PFKFB3: variants seen among roughly 807,000 people sequenced by gnomAD.
PFKFB3 encodes the protein 6-phosphofructo-2-kinase/fructose-2,6-biphosphatase 3, also known as 6-phosphofructo-2-kinase/fructose-2,6-bisphosphatase 3.
In PFKFB3, 33 loss-of-function variants were observed where a neutral mutation model predicts 68.0. The ratio of observed to expected loss-of-function variants is 0.49; its 90% confidence interval spans 0.37 to 0.65. The LOEUF (loss-of-function observed/expected upper bound fraction) is 0.65. Ranked by LOEUF, PFKFB3 falls within the 30% of genes least tolerant of loss-of-function variation. PFKFB3 has a pLI of 0.00. For synonymous variants in PFKFB3, 315 were observed against 288.2 expected (o/e 1.09, Z -0.94); for missense variants, 586 against 712.2 (o/e 0.82, Z 2.02).
rs76280920 is a variant in PFKFB3 at position 6,181,758 on chromosome 10, A to G, written c.17-31865A>G. Among the ~76,000 whole-genome samples, 204 of 148,644 alleles carry G rather than the reference A, an allele frequency of 1.4e-3. 4 individuals carry two copies. The East Asian group carries it at 0.032, about 23-fold the overall frequency. On this transcript the variant is annotated intron_variant, in intron 1 of 14. Coordinates refer to the PFKFB3 transcript ENST00000379789. ...GGCTGCAGTGAGCCAAGATTGTGCC[A>G]CTGCACTCCAGCCTGGGCGATAGAG...
chr10:6,203,253 C>A lies in PFKFB3; in HGVS notation c.-8C>A. 6.2e-7 allele frequency: 1 copy of A among 1,607,564 alleles called. No individual in the cohort carries two copies. Among genetic ancestry groups the A allele is most frequent in the South Asian group, 1.1e-5 (1 of 90,136 alleles). On this transcript the variant is annotated 5_prime_UTR_variant, in exon 1 of 15. Transcript: ENST00000379775. ...CCGGGAGGCGGGCCGTCGGGCGCAG[C>A]CGCGAAGATGCCGTTGGAACTGACG...
At chr10:6,301,334 G>A in the PFKFB3 span, among the ~76,000 whole-genome samples, 1 of 152,122 alleles carries the variant, frequency 6.6e-6, no homozygotes, top group African/African-American at 2.4e-5. Flanking sequence ...TACAGTCCCT[G>A]GGTGCTTCAG....
intron 6 of PFKFB3, 126 bp from the exon 7 acceptor site, chr10:6,219,443 G>A (rs932233349): frequency 4.6e-5 from 46 of 996,266 alleles, no homozygotes; most frequent in Non-Finnish European, 6.2e-5. Flanking sequence ...TCTCTTACAC[G>A]CTGGGCCGGA....
intron 1 of PFKFB3, among the ~76,000 whole-genome samples, chr10:6,166,818 CTT>C (rs1842153569): frequency 7.7e-6 from 1 of 129,722 alleles, no homozygotes; most frequent in Non-Finnish European, 1.7e-5. Context: ...AGCCCTTCTT[CTT>C]CTTTTTTTTT....
At chr10:6,153,176 AAAAG>A (rs57247558) in intron 1 of PFKFB3, among the ~76,000 whole-genome samples, 9,331 of 107,814 alleles carry the variant, frequency 0.087, 351 homozygotes, top group East Asian at 0.2. Flanking sequence ...TGTCTCAGAA[AAAAG>A]AAAGAAAGAA....
At chr10:6,157,181 G>A (rs992893458) in intron 1 of PFKFB3, among the ~76,000 whole-genome samples, 3 of 151,912 alleles carry the variant, frequency 2.0e-5, no homozygotes, top group African/African-American at 7.3e-5. Flanking sequence ...TCATCAACTT[G>A]CTGCCTCATA....
chr10:6,158,081 C>T (rs929083772), intron 1 of PFKFB3, among the ~76,000 whole-genome samples: 4 of 151,022 alleles, frequency 2.6e-5, no homozygotes, highest in African/African-American at 9.8e-5. Context: ...GTCAGGAGAT[C>T]GAGACCATCC....
At position 6,241,151 on chromosome 10, in the gene PFKFB3, C is replaced by T. The variant is rs919375867; in HGVS notation, c.1516-13027C>T. 2.6e-5 allele frequency among the ~76,000 whole-genome samples: 4 copies of T among 152,098 alleles called. 1 individual carries two copies. Among genetic ancestry groups the T allele is most frequent in the Admixed American group, 2.6e-4 (4 of 15,268 alleles). On this transcript the variant is annotated intron_variant, in intron 14 of 14. Transcript: ENST00000640683. ...CGAACTCCTGACCTCGTGATCCACC[C>T]ACCTTGGCCTCCCAAAGTGCTGGGA...
At chr10:6,225,938 T>C (rs1845318526) in intron 13 of PFKFB3, among the ~76,000 whole-genome samples, 1 of 152,082 alleles carries the variant, frequency 6.6e-6, no homozygotes, top group African/African-American at 2.4e-5. Flanking sequence ...GCAAGCACCG[T>C]GTTTGTCTGT....
In PFKFB3 at chr10:6,203,055, T is replaced by C; in HGVS notation, c.-206T>C. 14 of 1,386,534 alleles carry C rather than the reference T, an allele frequency of 1.0e-5. No individual in the cohort carries two copies. Among genetic ancestry groups the C allele is most frequent in the Non-Finnish European group, 1.3e-5 (14 of 1,075,394 alleles). 85.9% of individuals were successfully genotyped at this position (1,386,534 alleles called of 1,614,324 possible). A position where few individuals can be genotyped will look rare whatever the true frequency, so the allele number is the denominator to read the frequency against. On this transcript the variant is annotated 5_prime_UTR_variant, in exon 1 of 15. Coordinates refer to ENST00000379775, the MANE Select transcript of PFKFB3 (RefSeq NM_004566.4). ...CCGTGCCGGGCATCCCCAGCCTCGC[T>C]ACCCTCGCAGCACACGTCGAGCCCC...
At chr10:6,173,472 A>ATACAAACT (rs1194238247) in intron 1 of PFKFB3, among the ~76,000 whole-genome samples, 1 of 152,222 alleles carries the variant, frequency 6.6e-6, no homozygotes. Context: ...AGAGAACAAG[A>ATACAAACT]TACAAACTTA....
chr10:6,307,744 G>C, the PFKFB3 span, among the ~76,000 whole-genome samples: 1 of 152,192 alleles, frequency 6.6e-6, no homozygotes, highest in Non-Finnish European at 1.5e-5. Context: ...TGCATCCAGT[G>C]GGAAAGGTAT....
chr10:6,154,120 T>A lies in PFKFB3; in HGVS notation c.16+9107T>A, dbSNP rs546602203. Among the ~76,000 whole-genome samples, 2 of 152,210 alleles carry A rather than the reference T, an allele frequency of 1.3e-5. No homozygotes were observed. The highest frequency in any genetic ancestry group is 2.9e-5 in the Non-Finnish European group (2 of 67,992). On this transcript the variant is annotated intron_variant, in intron 1 of 14. Transcript: ENST00000379789. The surrounding 1 kb of genome is among the most constrained non-coding windows in gnomAD (Gnocchi z 4.6). ...GCAGGGTGAGAGGGTGGAAGCCAGGTGGACACAGGCTTAGGAAGGGAGTGG... is the reference window on the plus strand; with the variant it reads ...GCAGGGTGAGAGGGTGGAAGCCAGGAGGACACAGGCTTAGGAAGGGAGTGG...
At chr10:6,163,060 C>T (rs541689172) in intron 1 of PFKFB3, among the ~76,000 whole-genome samples, 21 of 151,908 alleles carry the variant, frequency 1.4e-4, no homozygotes, top group African/African-American at 5.1e-4. Context: ...CTTTCATTTG[C>T]TTTCTGTGTT....
At chr10:6,232,651 C>T (rs1845817479) in intron 14 of PFKFB3, among the ~76,000 whole-genome samples, 1 of 151,862 alleles carries the variant, frequency 6.6e-6, no homozygotes, top group South Asian at 2.1e-4. Flanking sequence ...CCCCACCAGG[C>T]GGGCTCCAGG....
chr10:6,228,317 T>C lies in PFKFB3; in HGVS notation c.1515+1952T>C. ...TAAAATATTGAGGATGAGAGCAGTT[T>C]TGTGATGTGAGGTCTTCCGTGGGGG... On this transcript the variant is annotated intron_variant, in intron 14 of 14. Transcript: ENST00000379775. This position sits in a 1 kb window ranked among gnomAD's most constrained non-coding sequence, Gnocchi z 4.5. 1 of 1,340,288 alleles carries C rather than the reference T, an allele frequency of 7.5e-7. No homozygotes were observed. The highest frequency in any genetic ancestry group is 1.1e-6 in the Non-Finnish European group (1 of 933,808). The allele number at this position is 1,340,288 out of a possible 1,614,324, so 83.0% of individuals were successfully genotyped here. A position where few individuals can be genotyped will look rare whatever the true frequency, so the allele number is the denominator to read the frequency against.
intron 1 of PFKFB3, among the ~76,000 whole-genome samples, chr10:6,188,534 A>G (rs1449830185): frequency 1.3e-5 from 2 of 152,008 alleles, no homozygotes; most frequent in Non-Finnish European, 2.9e-5. Context: ...TCATTTTTAA[A>G]TGTGTACAGT....
At chr10:6,315,855 CA>C in the PFKFB3 span, among the ~76,000 whole-genome samples, 3 of 152,222 alleles carry the variant, frequency 2.0e-5, no homozygotes, top group Non-Finnish European at 4.4e-5. Context: ...CTACATAATA[CA>C]TACTGTATTA....
At chr10:6,167,332 T>C (rs74554817) in intron 1 of PFKFB3, among the ~76,000 whole-genome samples, 1,656 of 152,354 alleles carry the variant, frequency 0.011, 70 homozygotes, top group East Asian at 0.1. Flanking sequence ...AGCTCTGCGG[T>C]CCTCAGTGTC....
Sources: allele counts gnomAD v4.1 joint callset (sites outside exome capture counted in the v4.1 genomes callset), GRCh38; gene constraint gnomAD v4.1.1; non-coding constraint Gnocchi (gnomAD v3.1); transcripts MANE v1.5; gene names NCBI Gene and HGNC (gene_info 2026-07-23, HGNC 2026-07-21).